Variants in USP32 observed in about 807,000 individuals in gnomAD.
The protein encoded by USP32 is ubiquitin carboxyl-terminal hydrolase 32.
Under a neutral mutation model 204.8 loss-of-function variants are expected in USP32, and 59 were observed. That is an observed-to-expected ratio of 0.29 (90% CI 0.23 to 0.36). USP32 has a LOEUF of 0.36. Among genes scored for constraint, USP32 ranks in the 10% least tolerant of loss-of-function variants. USP32 has a pLI of 1.00. For missense variants in USP32, 1,160 were observed against 1,946.4 expected, an observed-to-expected ratio of 0.60 and a Z score of 7.60; for synonymous variants, 517 against 678.4, an observed-to-expected ratio of 0.76 and a Z score of 3.70.
chr17:60,183,449 A>G lies in USP32; in HGVS notation c.3839T>C (p.Ile1280Thr). The G allele has an allele frequency of 6.3e-7, 1 of 1,596,794 alleles. No individual in the cohort carries two copies. Among genetic ancestry groups the G allele is most frequent in the Non-Finnish European group, 8.5e-7 (1 of 1,170,136 alleles). The change falls in exon 31 of 34, where the codon ATT becomes ACT. Residue 1280 changes from isoleucine to threonine, a missense_variant. This residue lies in a region of USP32 where 160 missense variants were observed against 322.5 expected (regional missense o/e 0.50). Coordinates refer to ENST00000300896, the MANE Select transcript of USP32 (RefSeq NM_032582.4). The stretch of plus-strand genomic sequence containing the variant: ...TACAAATTGAAATCGCTTAAGGTGA[A>G]TAATCTGGAGAAGTAAAGGTAGAAA... ...DLWRLPPILI[I>T]HLKRFQFVNG...
chr17:60,332,430 C>T (rs1000787843), intron 2 of USP32, among the ~76,000 whole-genome samples: 9 of 152,002 alleles, frequency 5.9e-5, no homozygotes, highest in Middle Eastern at 3.4e-3. Flanking sequence ...GGTGGATCAC[C>T]TGAGGTCAGG....
chr17:60,278,842 A>T (rs941801846), intron 5 of USP32, among the ~76,000 whole-genome samples: 1 of 152,250 alleles, frequency 6.6e-6, no homozygotes, highest in African/African-American at 2.4e-5. Context: ...TGGCATAGAC[A>T]GATTTAAAAT....
intron 27 of USP32, among the ~76,000 whole-genome samples, chr17:60,196,197 G>A (rs180906157): frequency 6.0e-5 from 9 of 150,722 alleles, no homozygotes; most frequent in African/African-American, 2.2e-4. Context: ...AACCTGGGAG[G>A]CAGAGGTGCA....
intron 12 of USP32, among the ~76,000 whole-genome samples, chr17:60,229,356 T>C (rs1450875854): frequency 6.6e-6 from 1 of 152,216 alleles, no homozygotes; most frequent in Admixed American, 6.5e-5. Flanking sequence ...TTTTTCATTT[T>C]TAAAGTTCTC....
intron 9 of USP32, among the ~76,000 whole-genome samples, chr17:60,259,779 C>T (rs1008523811): frequency 3.9e-5 from 6 of 152,188 alleles, no homozygotes; most frequent in African/African-American, 1.4e-4. Context: ...CTGTCACTCA[C>T]TAATTCACCA....
At chr17:60,330,510 C>CTT (rs2088353732) in intron 2 of USP32, among the ~76,000 whole-genome samples, 2 of 141,310 alleles carry the variant, frequency 1.4e-5, no homozygotes, top group African/African-American at 6.1e-5. Flanking sequence ...CTCTTTCTCT[C>CTT]TCTCTCTCCC....
At chr17:60,372,948 T>C (rs925682297) in intron 1 of USP32, among the ~76,000 whole-genome samples, 1 of 151,784 alleles carries the variant, frequency 6.6e-6, no homozygotes, top group African/African-American at 2.4e-5. Flanking sequence ...GCAGGAGACT[T>C]GAGCCCAGGA....
At chr17:60,399,025 T>TA (rs1161767664) in intron 1 of USP32, among the ~76,000 whole-genome samples, 1 of 151,980 alleles carries the variant, frequency 6.6e-6, no homozygotes, top group Non-Finnish European at 1.5e-5. Context: ...AGTCCTACAA[T>TA]ACAGGATGTT....
At chr17:60,391,846 C>G in intron 1 of USP32, 36 bp downstream of exon 1, 1 of 1,598,410 alleles carries the variant, frequency 6.3e-7, no homozygotes, top group Middle Eastern at 1.7e-4. Context: ...CGTCGCGGGC[C>G]TCCCAGGCAG....
intron 11 of USP32, chr17:60,245,228 A>ATTT: frequency 5.2e-6 from 1 of 190,700 alleles, no homozygotes; most frequent in Non-Finnish European, 1.1e-5. Flanking sequence ...GGTGCTCTTT[A>ATTT]TTTTTTTTTT....
At chr17:60,383,915 T>C (rs1403555010) in intron 1 of USP32, among the ~76,000 whole-genome samples, 1 of 152,228 alleles carries the variant, frequency 6.6e-6, no homozygotes, top group Non-Finnish European at 1.5e-5. Context: ...AGATCTGGTT[T>C]GGATTTTAAG....
chr17:60,194,876 C>A (rs1478652887), intron 27 of USP32, among the ~76,000 whole-genome samples: 1 of 152,220 alleles, frequency 6.6e-6, no homozygotes, highest in Non-Finnish European at 1.5e-5. Context: ...TCACTTGCCT[C>A]TTTACCCACT....
chr17:60,245,594 C>G (rs1375767460), intron 11 of USP32: 1 of 316,308 alleles, frequency 3.2e-6, no homozygotes. Context: ...GGATGAAATT[C>G]TTGGTTCTCT....
intron 11 of USP32, chr17:60,249,707 TA>T (rs2145700133): frequency 1.4e-6 from 1 of 700,520 alleles, no homozygotes; most frequent in South Asian, 1.5e-5. Flanking sequence ...AGTTCTTGAA[TA>T]AATGCTTCTC....
At chr17:60,292,501 A>C (rs148522107) in intron 4 of USP32, among the ~76,000 whole-genome samples, 6 of 152,218 alleles carry the variant, frequency 3.9e-5, no homozygotes, top group African/African-American at 1.4e-4. Context: ...AATTCCATTC[A>C]TTTACTGAAT....
At chr17:60,355,264 T>C (rs532689947) in intron 1 of USP32, among the ~76,000 whole-genome samples, 1 of 152,266 alleles carries the variant, frequency 6.6e-6, no homozygotes, top group South Asian at 2.1e-4. Flanking sequence ...AGAACAGTTA[T>C]TGCCTCTGAG....
At chr17:60,381,988 T>A (rs1598303631) in intron 1 of USP32, among the ~76,000 whole-genome samples, 1 of 152,254 alleles carries the variant, frequency 6.6e-6, no homozygotes, top group Non-Finnish European at 1.5e-5. Flanking sequence ...TTTGTGTGTA[T>A]GTGTGCATGG....
chr17:60,366,693 G>C (rs1335009213), intron 1 of USP32, among the ~76,000 whole-genome samples: 1 of 151,562 alleles, frequency 6.6e-6, no homozygotes, highest in Non-Finnish European at 1.5e-5. Flanking sequence ...TTGAGCCCAA[G>C]AGCTTGAGAC....
chr17:60,183,460 A>C lies in USP32; in HGVS notation c.3835-7T>G. The C allele has an allele frequency of 6.3e-7, 1 of 1,582,748 alleles. No individual in the cohort carries two copies. The highest frequency in any genetic ancestry group is 8.6e-7 in the Non-Finnish European group (1 of 1,163,598). On this transcript the variant is annotated splice_region_variant and splice_polypyrimidine_tract_variant and intron_variant, in intron 30 of 33. Coordinates refer to ENST00000300896, the MANE Select transcript of USP32 (RefSeq NM_032582.4). ...ATCGCTTAAGGTGAATAATCTGGAG[A>C]AGTAAAGGTAGAAAACATCTGCATT...
Sources: allele counts gnomAD v4.1 joint callset (sites outside exome capture counted in the v4.1 genomes callset), GRCh38; gene constraint gnomAD v4.1.1; regional missense constraint gnomAD v4.1.1; transcripts MANE v1.5; gene names NCBI Gene and HGNC (gene_info 2026-07-23, HGNC 2026-07-21).